Variants in GRIK4 observed in about 807,000 individuals in gnomAD.
The protein encoded by GRIK4 is glutamate ionotropic receptor kainate type subunit 4, also known as glutamate receptor ionotropic, kainate 4.
In GRIK4, 40 loss-of-function variants were observed where a neutral mutation model predicts 104.9. The observed-to-expected ratio is 0.38, with a 90% CI of 0.30 to 0.50. The LOEUF is 0.50. GRIK4 is among the 20% of genes least tolerant of loss of function. GRIK4 has a pLI of 0.93. For synonymous variants in GRIK4, 485 were observed against 524.9 expected (o/e 0.92, Z 1.04); for missense variants, 1,047 against 1,308.1 (o/e 0.80, Z 3.08).
chr11:120,970,698 G>A (rs1591346935), intron 19 of GRIK4, among the ~76,000 whole-genome samples: 1 of 152,074 alleles, frequency 6.6e-6, no homozygotes, highest in Admixed American at 6.6e-5. Context: ...CACGGACCTT[G>A]AGTTAGACCA....
intron 3 of GRIK4, among the ~76,000 whole-genome samples, chr11:120,771,539 A>G (rs933135646): frequency 3.3e-5 from 5 of 152,248 alleles, no homozygotes; most frequent in African/African-American, 1.2e-4. Flanking sequence ...AATCAAAGGG[A>G]AAGGAGAATT....
At chr11:120,808,025 T>C (rs1047884699) in intron 4 of GRIK4, among the ~76,000 whole-genome samples, 2 of 151,876 alleles carry the variant, frequency 1.3e-5, no homozygotes, top group African/African-American at 4.8e-5. Flanking sequence ...CCTTAGAATG[T>C]TGATTGATGA....
Position 120,898,522 on chromosome 11 carries a change from G to T in GRIK4, c.1165-10G>T. ...CATTTCTTCCCAGTCCTCTCCGTTGGTCTCCTCAGATCGGCCAGTGGCACG... is the reference window on the plus strand; with the variant it reads ...CATTTCTTCCCAGTCCTCTCCGTTGTTCTCCTCAGATCGGCCAGTGGCACG... On this transcript the variant is annotated splice_polypyrimidine_tract_variant and intron_variant, in intron 11 of 20. Transcript: ENST00000527524. The T allele has an allele frequency of 6.6e-7, 1 of 1,510,622 alleles. No individual in the cohort carries two copies. 93.6% of individuals were successfully genotyped at this position (1,510,622 alleles called of 1,614,324 possible).
chr11:120,899,747 C>T (rs1942681483), intron 12 of GRIK4, among the ~76,000 whole-genome samples: 1 of 152,200 alleles, frequency 6.6e-6, no homozygotes, highest in East Asian at 1.9e-4. Context: ...TCCTCCCCTC[C>T]CCCTTTTAAC....
intron 1 of GRIK4, among the ~76,000 whole-genome samples, chr11:120,630,821 G>T (rs1382879839): frequency 6.6e-6 from 1 of 152,208 alleles, no homozygotes; most frequent in African/African-American, 2.4e-5. Flanking sequence ...GTCCTGACTG[G>T]GTTCTAGAGT....
At chr11:120,812,772 T>C (rs1032475043) in intron 4 of GRIK4, among the ~76,000 whole-genome samples, 2 of 152,130 alleles carry the variant, frequency 1.3e-5, no homozygotes, top group African/African-American at 4.8e-5. Flanking sequence ...AGCAGGTGGT[T>C]GGAACTTGAC....
intron 9 of GRIK4, chr11:120,872,062 A>G: frequency 8.0e-6 from 3 of 373,262 alleles, no homozygotes; most frequent in South Asian, 4.0e-5. Context: ...TACTTAGTTC[A>G]GTCAACACCG....
intron 3 of GRIK4, among the ~76,000 whole-genome samples, chr11:120,729,511 G>C (rs1054156660): frequency 2.0e-5 from 3 of 152,202 alleles, no homozygotes; most frequent in Admixed American, 1.3e-4. Flanking sequence ...CTGATCATCA[G>C]TGATGTTGAG....
chr11:120,578,736 C>G (rs1372757463), intron 1 of GRIK4, among the ~76,000 whole-genome samples: 2 of 152,260 alleles, frequency 1.3e-5, no homozygotes, highest in South Asian at 4.1e-4. Context: ...TTGCACCCAG[C>G]TGGCCAGTGG....
At position 120,898,631 on chromosome 11, in the gene GRIK4, A is replaced by G; in HGVS notation, c.1264A>G (p.Thr422Ala). Residue 422 changes from threonine to alanine, a missense_variant, in exon 12 of 21, where the codon ACC (threonine) becomes GCC (alanine). Transcript: ENST00000527524. ...TLFNTTLVVT[T>A]ILENPYLMLK... ...CTTCAACACCACCCTGGTCGTCACC[A>G]CCATCCTGGTAAGTGGGCTCTCCTA... The G allele has an allele frequency of 6.3e-7, 1 of 1,595,298 alleles. No individual in the cohort carries two copies. The highest frequency in any genetic ancestry group is 8.6e-7 in the Non-Finnish European group (1 of 1,162,992).
At chr11:120,676,712 C>A (rs1009316768) in intron 3 of GRIK4, among the ~76,000 whole-genome samples, 4 of 152,220 alleles carry the variant, frequency 2.6e-5, no homozygotes, top group African/African-American at 9.6e-5. Flanking sequence ...ACCCAAACAC[C>A]TCCTACCGGG....
intron 11 of GRIK4, chr11:120,894,918 T>G (rs1487792189): frequency 1.4e-5 from 2 of 144,478 alleles, no homozygotes; most frequent in African/African-American, 2.6e-5. Flanking sequence ...GCAATTAGAT[T>G]GCACTGGGTA....
At chr11:120,688,447 C>G (rs551016676) in intron 3 of GRIK4, among the ~76,000 whole-genome samples, 2 of 152,304 alleles carry the variant, frequency 1.3e-5, no homozygotes, top group South Asian at 4.1e-4. Context: ...AAGGCATTCC[C>G]TTGAGTGTCT....
chr11:120,635,724 G>A (rs1445041540), intron 1 of GRIK4, among the ~76,000 whole-genome samples: 4 of 152,176 alleles, frequency 2.6e-5, no homozygotes, highest in African/African-American at 9.7e-5. Flanking sequence ...AGCCAAGGGC[G>A]TACAGGATAA....
chr11:120,949,694 C>T (rs957954536), intron 14 of GRIK4, among the ~76,000 whole-genome samples: 4 of 151,934 alleles, frequency 2.6e-5, no homozygotes, highest in Admixed American at 2.6e-4. Context: ...AATAAAGATG[C>T]GAAGATGAAA....
intron 3 of GRIK4, among the ~76,000 whole-genome samples, chr11:120,696,769 C>T (rs1950455842): frequency 6.6e-6 from 1 of 152,106 alleles, no homozygotes; most frequent in Non-Finnish European, 1.5e-5. Flanking sequence ...ACTCCCTCAA[C>T]ATGGTACCAT....
chr11:120,580,390 C>T (rs1306185567), intron 1 of GRIK4, among the ~76,000 whole-genome samples: 1 of 151,472 alleles, frequency 6.6e-6, no homozygotes, highest in African/African-American at 2.4e-5. Flanking sequence ...ATTCTCCTGC[C>T]TCAGCCTCCT....
At position 120,977,515 on chromosome 11, in the gene GRIK4, C is replaced by T. The variant is rs374582540; in HGVS notation, c.2396-4591C>T. 1.1e-4 allele frequency among the ~76,000 whole-genome samples: 17 copies of T among 152,324 alleles called. No individual in the cohort carries two copies. In the East Asian group the frequency reaches 1.3e-3, roughly 12 times the overall value. On this transcript the variant is annotated intron_variant, in intron 19 of 20. Transcript: ENST00000527524. ...GCGCTCTCCGAACTCTCCCTTCCCA[C>T]TCCCCGCTCCATCTGTTTTTCAACT... is the stretch of plus-strand genomic sequence containing the variant.
At chr11:120,921,898 T>C (rs1406235956) in intron 13 of GRIK4, among the ~76,000 whole-genome samples, 1 of 152,196 alleles carries the variant, frequency 6.6e-6, no homozygotes, top group African/African-American at 2.4e-5. Context: ...ACATCTATGG[T>C]CCAACTGTCT....
Sources: allele counts gnomAD v4.1 joint callset (sites outside exome capture counted in the v4.1 genomes callset), GRCh38; gene constraint gnomAD v4.1.1; transcripts MANE v1.5; gene names NCBI Gene and HGNC (gene_info 2026-07-23, HGNC 2026-07-21).